RASGRF2: variants seen among roughly 807,000 people sequenced by gnomAD.
RASGRF2 encodes the protein Ras protein specific guanine nucleotide releasing factor 2.
In RASGRF2, 76 loss-of-function variants were observed where a neutral mutation model predicts 151.0. The observed-to-expected ratio is 0.50, with a 90% CI of 0.42 to 0.61. RASGRF2 has a LOEUF of 0.61. Ranked by LOEUF, RASGRF2 falls within the 20% of genes least tolerant of loss-of-function variation. RASGRF2 has a pLI of 0.00. For missense variants in RASGRF2, 1,148 were observed against 1,564.6 expected (o/e 0.73, Z 4.49); for synonymous variants, 504 against 566.5 (o/e 0.89, Z 1.57).
chr5:81,067,844 GATT>G (rs1336734348), intron 2 of RASGRF2, among the ~76,000 whole-genome samples, 185 bp from the exon 3 acceptor site: 1 of 152,158 alleles, frequency 6.6e-6, no homozygotes, highest in African/African-American at 2.4e-5. Context: ...TATGTAAAAT[GATT>G]ATTTAAATTC....
chr5:81,079,697 C>G (rs1358962382), intron 5 of RASGRF2, among the ~76,000 whole-genome samples: 4 of 151,980 alleles, frequency 2.6e-5, no homozygotes, highest in African/African-American at 4.8e-5. Context: ...AAAATTTTTG[C>G]TCTAGATTTT....
chr5:81,081,982 G>T (rs906292343), intron 7 of RASGRF2, among the ~76,000 whole-genome samples: 1 of 152,134 alleles, frequency 6.6e-6, no homozygotes, highest in African/African-American at 2.4e-5. Context: ...TGGAATTTAA[G>T]ATTTTATTTA....
At chr5:81,056,955 G>A (rs1272216151) in intron 2 of RASGRF2, among the ~76,000 whole-genome samples, 1 of 152,056 alleles carries the variant, frequency 6.6e-6, no homozygotes, top group African/African-American at 2.4e-5. Context: ...TGCAACCCCT[G>A]CCTTTTTTTG....
intron 1 of RASGRF2, among the ~76,000 whole-genome samples, chr5:80,974,841 C>T (rs1162939340): frequency 6.6e-6 from 1 of 152,044 alleles, no homozygotes; most frequent in African/African-American, 2.4e-5. Flanking sequence ...TGTGAAAAAT[C>T]GTAGTGGTAA....
chr5:81,207,461 G>C (rs1442860751), intron 21 of RASGRF2, 112 bp downstream of exon 21: 2 of 847,314 alleles, frequency 2.4e-6, no homozygotes, highest in African/African-American at 3.3e-5. Flanking sequence ...TCCTGTGTGA[G>C]TATCTACCAG....
chr5:80,999,832 C>T (rs533292685), intron 1 of RASGRF2, among the ~76,000 whole-genome samples: 1 of 152,220 alleles, frequency 6.6e-6, no homozygotes. Flanking sequence ...AAGCTTTGTG[C>T]CCTGAGGTGG....
At chr5:80,961,690 T>A (rs1013918724) in intron 1 of RASGRF2, among the ~76,000 whole-genome samples, 2 of 152,232 alleles carry the variant, frequency 1.3e-5, no homozygotes. Context: ...TGGGCATTTT[T>A]AAAGAACGCT....
intron 1 of RASGRF2, among the ~76,000 whole-genome samples, chr5:81,040,104 A>G (rs1382172776): frequency 6.6e-6 from 1 of 152,138 alleles, no homozygotes; most frequent in Non-Finnish European, 1.5e-5. Flanking sequence ...CCTGGGCTCA[A>G]GCAATCCTTC....
At chr5:81,130,728 C>T (rs969987936) in intron 17 of RASGRF2, among the ~76,000 whole-genome samples, 2 of 124,844 alleles carry the variant, frequency 1.6e-5, no homozygotes, top group African/African-American at 3.7e-5. Flanking sequence ...ATTGCCAGCC[C>T]GGATGCATCC....
At chr5:81,113,031 T>C (rs1263139364) in intron 14 of RASGRF2, among the ~76,000 whole-genome samples, 173 bp downstream of exon 14, 1 of 152,162 alleles carries the variant, frequency 6.6e-6, no homozygotes, top group East Asian at 1.9e-4. Flanking sequence ...TCACACAGAG[T>C]TCCCCAGGCA....
chr5:81,071,706 T>A (rs921617737), intron 4 of RASGRF2, among the ~76,000 whole-genome samples: 44 of 152,060 alleles, frequency 2.9e-4, no homozygotes, highest in African/African-American at 7.5e-4. Flanking sequence ...TTAGTTTTTT[T>A]AAAAAAAATC....
intron 6 of RASGRF2, 56 bp downstream of exon 6, chr5:81,080,256 T>A (rs1752049676): frequency 1.9e-6 from 3 of 1,571,550 alleles, no homozygotes; most frequent in African/African-American, 1.4e-5. Flanking sequence ...GCAATTAGAG[T>A]AAAATAGCTC....
chr5:81,077,820 G>A (rs1321917249), intron 5 of RASGRF2, among the ~76,000 whole-genome samples: 1 of 152,172 alleles, frequency 6.6e-6, no homozygotes, highest in Non-Finnish European at 1.5e-5. Flanking sequence ...AGAGAAACAG[G>A]GTGGTACCTA....
At chr5:81,212,754 A>C (rs753835374) in intron 23 of RASGRF2, among the ~76,000 whole-genome samples, 191 bp downstream of exon 23, 4 of 152,204 alleles carry the variant, frequency 2.6e-5, no homozygotes, top group Non-Finnish European at 5.9e-5. Context: ...CATTTCTAAA[A>C]CATTCATTAA....
chr5:81,177,920 A>G (rs532335678), intron 17 of RASGRF2, among the ~76,000 whole-genome samples: 6 of 152,328 alleles, frequency 3.9e-5, no homozygotes, highest in South Asian at 2.1e-4. Context: ...AGAGAAAAAT[A>G]TGGTTTCAGA....
At chr5:81,015,233 G>A (rs1749590825) in intron 1 of RASGRF2, among the ~76,000 whole-genome samples, 1 of 152,136 alleles carries the variant, frequency 6.6e-6, no homozygotes, top group African/African-American at 2.4e-5. Flanking sequence ...ACATACGTGT[G>A]CATGTGTCTT....
At chr5:81,144,205 A>G (rs1479670491) in intron 17 of RASGRF2, among the ~76,000 whole-genome samples, 1 of 152,236 alleles carries the variant, frequency 6.6e-6, no homozygotes, top group African/African-American at 2.4e-5. Context: ...TGTTATGTCA[A>G]AGATTAAATG....
At chr5:81,041,436 C>T (rs1468157755) in intron 1 of RASGRF2, among the ~76,000 whole-genome samples, 1 of 152,158 alleles carries the variant, frequency 6.6e-6, no homozygotes, top group Non-Finnish European at 1.5e-5. Flanking sequence ...ATTCAAAGCA[C>T]ACTCTAAACT....
rs768624470 is a variant in RASGRF2 at position 81,109,384 on chromosome 5, C to T, written c.1838+306C>T. On this transcript the variant is annotated intron_variant, in intron 13 of 26. Coordinates refer to ENST00000265080, the MANE Select transcript of RASGRF2 (RefSeq NM_006909.3). Reference sequence around the variant, plus strand: ...AAAAATTAAAATAATAGGCCAGGTGCGGTGGCTCACGCCTGTAATCCCAGC... The same window carrying T: ...AAAAATTAAAATAATAGGCCAGGTGTGGTGGCTCACGCCTGTAATCCCAGC... Among the ~76,000 whole-genome samples, 145 of 152,172 alleles carry T rather than the reference C, an allele frequency of 9.5e-4. 1 individual carries two copies. Among genetic ancestry groups the T allele is most frequent in the Admixed American group, 1.4e-3 (21 of 15,282 alleles).
Sources: gnomAD v4.1 joint callset for allele counts (sites outside exome capture counted in the v4.1 genomes callset) on GRCh38, gnomAD v4.1.1 for gene constraint, MANE v1.5 for transcripts, NCBI Gene and HGNC (gene_info 2026-07-23, HGNC 2026-07-21) for gene names.